The following AKR1C3 variants were observed in gnomAD, a reference collection of about 807,000 sequenced individuals.
The protein encoded by AKR1C3 is aldo-keto reductase family 1 member C3.
In AKR1C3, 48 loss-of-function variants were observed where a neutral mutation model predicts 43.6. The ratio of observed to expected loss-of-function variants is 1.10; its 90% CI spans 0.87 to 1.40. The LOEUF is 1.40. Ranked by LOEUF, AKR1C3 falls within the 40% of genes most tolerant of loss-of-function variation. The pLI is 0.00. For synonymous variants in AKR1C3, 162 were observed against 139.6 expected, an observed-to-expected ratio of 1.16 and a Z score of -1.13; for missense variants, 482 against 391.2, an observed-to-expected ratio of 1.23 and a Z score of -1.96.
At position 5,078,054 on chromosome 10, in the gene AKR1C3, A is replaced by G. The variant is rs1838751857; in HGVS notation, c.85-18356A>G. 6 of 640,284 alleles carry G rather than the reference A, an allele frequency of 9.4e-6. No homozygotes were observed. In the East Asian group the frequency reaches 1.7e-4, roughly 18 times the overall value. The allele number at this position is 640,284 out of a possible 1,614,324, so 39.7% of individuals were successfully genotyped here. On this transcript the variant is annotated intron_variant, in intron 1 of 8. Transcript: ENST00000439082. Reference sequence around the variant, plus strand: ...TGATTACTATATTTTGTAAATGGAAATACCATTACAAAAACAGAAAGCTAT... The same window carrying G: ...TGATTACTATATTTTGTAAATGGAAGTACCATTACAAAAACAGAAAGCTAT...
intron 1 of AKR1C3, among the ~76,000 whole-genome samples, chr10:5,064,401 A>G (rs1838451355): frequency 6.6e-6 from 1 of 152,202 alleles, no homozygotes; most frequent in Non-Finnish European, 1.5e-5. Flanking sequence ...TTAAAACCTT[A>G]AGTTTTAAGC....
chr10:5,057,061 TCA>T (rs1378601459), intron 1 of AKR1C3, among the ~76,000 whole-genome samples: 8 of 152,200 alleles, frequency 5.3e-5, no homozygotes, highest in Non-Finnish European at 4.4e-5. Context: ...CTGGGTACCC[TCA>T]GTCCTATTGT....
chr10:5,068,644 T>G (rs898923909), intron 1 of AKR1C3, among the ~76,000 whole-genome samples: 19 of 152,356 alleles, frequency 1.2e-4, no homozygotes, highest in Admixed American at 2.6e-4. Flanking sequence ...AGTTGTGTTC[T>G]GATAAGATTA....
chr10:5,092,227 G>C (rs766717813), upstream of AKR1C3, among the ~76,000 whole-genome samples: 2 of 151,990 alleles, frequency 1.3e-5, no homozygotes, highest in Non-Finnish European at 2.9e-5. Context: ...TAGTCTATTT[G>C]TTGTTGGCTT....
At chr10:5,098,423 T>G (rs1839265911) in intron 3 of AKR1C3, among the ~76,000 whole-genome samples, 1 of 152,198 alleles carries the variant, frequency 6.6e-6, no homozygotes, top group South Asian at 2.1e-4. Context: ...ACTCTTCAGG[T>G]GGTCTGATAA....
chr10:5,053,589 G>T (rs956975301), intron 1 of AKR1C3, among the ~76,000 whole-genome samples: 8 of 152,232 alleles, frequency 5.3e-5, no homozygotes, highest in African/African-American at 1.9e-4. Context: ...AGCATGGCCA[G>T]AGTAGGCACC....
intron 1 of AKR1C3, chr10:5,081,881 A>T (rs1838845556): frequency 6.6e-6 from 1 of 152,182 alleles, no homozygotes; most frequent in Non-Finnish European, 1.5e-5. Flanking sequence ...CAGAAGAAGA[A>T]ACCAGTGAGC....
intron 1 of AKR1C3, among the ~76,000 whole-genome samples, chr10:5,095,496 A>AAGAC (rs1554784972): frequency 6.6e-6 from 1 of 151,962 alleles, no homozygotes; most frequent in African/African-American, 2.4e-5. Context: ...AAAAAAAAAA[A>AAGAC]AGACTGTTCT....
chr10:5,053,712 A>G (rs782113319), intron 1 of AKR1C3, among the ~76,000 whole-genome samples: 34 of 152,352 alleles, frequency 2.2e-4, no homozygotes, highest in Non-Finnish European at 4.3e-4. Context: ...AATTTGGCCA[A>G]TGACTGCTCT....
chr10:5,048,855 T>C, exon 1 of AKR1C3: 1 of 1,614,026 alleles, frequency 6.2e-7, no homozygotes, highest in Non-Finnish European at 8.5e-7. Flanking sequence ...GATGGTCACT[T>C]CATGCCTGTC....
intron 6 of AKR1C3, 136 bp downstream of exon 6, chr10:5,102,346 T>A: frequency 6.3e-7 from 1 of 1,598,496 alleles, no homozygotes; most frequent in Non-Finnish European, 8.5e-7. Flanking sequence ...TGACGAGATC[T>A]TGGATGATGC....
intron 1 of AKR1C3, among the ~76,000 whole-genome samples, chr10:5,064,936 A>T (rs1838466682): frequency 6.8e-6 from 1 of 146,026 alleles, no homozygotes; most frequent in South Asian, 2.2e-4. Context: ...AAAAAAAATT[A>T]AAAAGTGGGG....
chr10:5,088,248 A>G (rs192211520), intron 1 of AKR1C3, among the ~76,000 whole-genome samples: 72 of 152,238 alleles, frequency 4.7e-4, no homozygotes, highest in Admixed American at 9.2e-4. Flanking sequence ...GATGTGGTCA[A>G]TTTTTGAGAA....
intron 1 of AKR1C3, among the ~76,000 whole-genome samples, chr10:5,056,151 C>T (rs1029748691): frequency 6.6e-6 from 1 of 152,080 alleles, no homozygotes; most frequent in Non-Finnish European, 1.5e-5. Flanking sequence ...GACCAGAGTG[C>T]CTGGACTTGA....
intron 1 of AKR1C3, among the ~76,000 whole-genome samples, chr10:5,085,168 A>G (rs1218482972): frequency 6.6e-6 from 1 of 152,032 alleles, no homozygotes; most frequent in Non-Finnish European, 1.5e-5. Flanking sequence ...TTCAAAGGGA[A>G]TGCTTCCAGT....
chr10:5,055,832 G>T (rs1838249499), intron 1 of AKR1C3, among the ~76,000 whole-genome samples: 1 of 152,174 alleles, frequency 6.6e-6, no homozygotes, highest in Non-Finnish European at 1.5e-5. Flanking sequence ...GTATAGAAGG[G>T]CCTGGCTATC....
At chr10:5,082,458 C>T (rs527777373) in intron 1 of AKR1C3, among the ~76,000 whole-genome samples, 27 of 152,068 alleles carry the variant, frequency 1.8e-4, no homozygotes, top group Admixed American at 1.8e-3. Flanking sequence ...GAGTCATGTT[C>T]CCTTGATGTC....
chr10:5,097,756 C>A, intron 3 of AKR1C3: 1 of 1,338,834 alleles, frequency 7.5e-7, no homozygotes, highest in Non-Finnish European at 9.6e-7. Context: ...GAAGAGAGTA[C>A]AGCAACCTCA....
At chr10:5,100,170 T>C (rs1266459474) in intron 5 of AKR1C3, among the ~76,000 whole-genome samples, 4 of 152,142 alleles carry the variant, frequency 2.6e-5, no homozygotes, top group Non-Finnish European at 4.4e-5. Flanking sequence ...GGCACACGCC[T>C]GTAATCCCAG....
Sources: gnomAD v4.1 joint callset for allele counts (sites outside exome capture counted in the v4.1 genomes callset) on GRCh38, gnomAD v4.1.1 for gene constraint, MANE v1.5 for transcripts, NCBI Gene and HGNC (gene_info 2026-07-23, HGNC 2026-07-21) for gene names.